The following PSAT1 variants were observed in gnomAD, a reference collection of about 807,000 sequenced individuals.
PSAT1 encodes phosphoserine aminotransferase.
PSAT1 carries 41 observed loss-of-function variants against 40.3 expected under a neutral mutation model. The observed-to-expected ratio is 1.02, with a 90% CI of 0.79 to 1.32. The LOEUF (loss-of-function observed/expected upper bound fraction) is 1.32, where lower values mean the gene tolerates loss of function less well. Ranked by LOEUF, PSAT1 falls within the 40% of genes most tolerant of loss-of-function variation. PSAT1 has a pLI of 0.00. For missense variants in PSAT1, 406 were observed against 455.8 expected (o/e 0.89, Z 0.99); for synonymous variants, 147 against 170.5 (o/e 0.86, Z 1.07).
chr9:78,321,501 C>T (rs895471100), intron 7 of PSAT1, among the ~76,000 whole-genome samples: 2 of 152,198 alleles, frequency 1.3e-5, no homozygotes, highest in African/African-American at 4.8e-5. Flanking sequence ...TTTACCACCA[C>T]CTTTGCTCCT....
chr9:78,326,156 T>G (rs1251539338), intron 7 of PSAT1, among the ~76,000 whole-genome samples: 2 of 152,180 alleles, frequency 1.3e-5, no homozygotes, highest in African/African-American at 4.8e-5. Flanking sequence ...AGCTGTGTAC[T>G]AGACTCTCAT....
chr9:78,300,572 A>G, intron 1 of PSAT1, 30 bp from the exon 2 acceptor site: 1 of 1,603,250 alleles, frequency 6.2e-7, no homozygotes, highest in Non-Finnish European at 8.5e-7. Context: ...ACATATTTAA[A>G]TAACCCTATT....
At chr9:78,318,649 G>T (rs1411236853) in intron 7 of PSAT1, among the ~76,000 whole-genome samples, 2 of 152,160 alleles carry the variant, frequency 1.3e-5, no homozygotes, top group Non-Finnish European at 2.9e-5. Flanking sequence ...CCTTCTTTCT[G>T]CCGTGTCTTC....
chr9:78,305,063 T>G, intron 4 of PSAT1, 123 bp downstream of exon 4: 1 of 882,926 alleles, frequency 1.1e-6, no homozygotes, highest in East Asian at 2.6e-5. Context: ...CCATTTAGAT[T>G]GGGTGGCTGT....
At chr9:78,309,369 G>T (rs144933389) in intron 6 of PSAT1, among the ~76,000 whole-genome samples, 3 of 152,300 alleles carry the variant, frequency 2.0e-5, no homozygotes, top group Non-Finnish European at 4.4e-5. Context: ...GGGTTTTGTT[G>T]TTGTTGTTTT....
At chr9:78,316,380 CG>C (rs1441409987) in intron 6 of PSAT1, among the ~76,000 whole-genome samples, 3 of 152,188 alleles carry the variant, frequency 2.0e-5, no homozygotes, top group Non-Finnish European at 4.4e-5. Context: ...CTTCTCTCAG[CG>C]GGAATGTTGG....
At chr9:78,304,331 C>T (rs1417098435) in intron 3 of PSAT1, among the ~76,000 whole-genome samples, 1 of 152,164 alleles carries the variant, frequency 6.6e-6, no homozygotes, top group African/African-American at 2.4e-5. Context: ...AACAGCTTTC[C>T]TTACCTAGAA....
intron 7 of PSAT1, among the ~76,000 whole-genome samples, chr9:78,321,112 G>C (rs1315703594): frequency 1.3e-5 from 2 of 152,088 alleles, no homozygotes; most frequent in African/African-American, 4.8e-5. Flanking sequence ...TCATCTCCTG[G>C]GCAGGTCATC....
At chr9:78,300,526 G>T in intron 1 of PSAT1, 76 bp from the exon 2 acceptor site, 1 of 1,523,820 alleles carries the variant, frequency 6.6e-7, no homozygotes. Context: ...TTGTCCCCTC[G>T]TCAGGTTTGT....
At chr9:78,322,892 C>T (rs1195584561) in intron 7 of PSAT1, among the ~76,000 whole-genome samples, 1 of 152,232 alleles carries the variant, frequency 6.6e-6, no homozygotes, top group Non-Finnish European at 1.5e-5. Context: ...CCAGCAAGGG[C>T]ATGCACTTTT....
chr9:78,317,814 T>C lies in PSAT1; in HGVS notation c.869+10T>C. The C allele has an allele frequency of 6.2e-7, 1 of 1,611,824 alleles. No individual in the cohort carries two copies. ...CTCAAGGATTCTACGTGTAAGTCAA[T>C]GGATTTTATCTCCTATTTTGCCTCT... On this transcript the variant is annotated intron_variant, in intron 7 of 8. Coordinates refer to ENST00000376588, the MANE Select transcript of PSAT1 (RefSeq NM_058179.4).
intron 3 of PSAT1, among the ~76,000 whole-genome samples, 180 bp from the exon 4 acceptor site, chr9:78,304,555 T>C (rs1828153004): frequency 6.6e-6 from 1 of 152,182 alleles, no homozygotes; most frequent in African/African-American, 2.4e-5. Context: ...CTCCAGTAAA[T>C]AGTTGTCCAA....
chr9:78,301,224 G>A (rs1323606265), intron 2 of PSAT1, among the ~76,000 whole-genome samples: 1 of 152,070 alleles, frequency 6.6e-6, no homozygotes, highest in Non-Finnish European at 1.5e-5. Context: ...GTCATAATTG[G>A]TTTTTGCTAA....
rs368071286 is a variant in PSAT1 at position 78,317,683 on chromosome 9, G to T, written c.748G>T (p.Val250Phe). ...YNTPPCFSIY[V>F]MGLVLEWIKN... Reference sequence around the variant, plus strand: ...TAAAAATCTTCATTTTAGCATCTACGTCATGGGCTTGGTTCTGGAGTGGAT... The same window carrying T: ...TAAAAATCTTCATTTTAGCATCTACTTCATGGGCTTGGTTCTGGAGTGGAT... Residue 250 changes from valine (V) to phenylalanine (F), a missense_variant, in exon 7 of 9, where the codon GTC becomes TTC. Coordinates refer to ENST00000376588, the MANE Select transcript of PSAT1 (RefSeq NM_058179.4). 6.2e-7 allele frequency: 1 copy of T among 1,613,384 alleles called. No homozygotes were observed. The highest frequency in any genetic ancestry group is 8.5e-7 in the Non-Finnish European group (1 of 1,179,842).
At chr9:78,310,140 G>A (rs1828244963) in intron 6 of PSAT1, among the ~76,000 whole-genome samples, 1 of 152,150 alleles carries the variant, frequency 6.6e-6, no homozygotes, top group Non-Finnish European at 1.5e-5. Flanking sequence ...TCTTTCTAGG[G>A]CCACTATGAT....
At chr9:78,320,676 C>T (rs1828417279) in intron 7 of PSAT1, among the ~76,000 whole-genome samples, 1 of 51,434 alleles carries the variant, frequency 1.9e-5, no homozygotes, top group East Asian at 4.0e-4. Flanking sequence ...TCCATCTGTC[C>T]ATCCATCCAA....
chr9:78,320,122 T>A (rs1828405140), intron 7 of PSAT1, among the ~76,000 whole-genome samples: 2 of 149,450 alleles, frequency 1.3e-5, no homozygotes, highest in African/African-American at 2.5e-5. Flanking sequence ...ATCTACCCAC[T>A]CACTCATCCA....
At position 78,308,525 on chromosome 9, in the gene PSAT1, C is replaced by A. The variant is rs1434764066; in HGVS notation, c.682C>A (p.Leu228Met). The change falls in exon 6 of 9, where the codon CTG (leucine) becomes ATG (methionine). Residue 228 changes from leucine to methionine, a missense_variant. Leu to Met is a conservative substitution (Grantham distance 15). Coordinates refer to ENST00000376588, the MANE Select transcript of PSAT1 (RefSeq NM_058179.4). ...GFALRECPSVLEYKVQAGNSS... is the reference protein window; with the variant it reads ...GFALRECPSVMEYKVQAGNSS... ...TGCCCTCCGAGAGTGCCCCTCGGTCCTGGAATACAAGGTGCAGGCTGGAAA... is the reference window on the plus strand; with the variant it reads ...TGCCCTCCGAGAGTGCCCCTCGGTCATGGAATACAAGGTGCAGGCTGGAAA... The A allele has an allele frequency of 6.2e-7, 1 of 1,613,954 alleles. No individual in the cohort carries two copies. The highest frequency in any genetic ancestry group is 8.5e-7 in the Non-Finnish European group (1 of 1,179,980).
At chr9:78,310,706 G>T (rs1828254669) in intron 6 of PSAT1, among the ~76,000 whole-genome samples, 1 of 151,810 alleles carries the variant, frequency 6.6e-6, no homozygotes, top group South Asian at 2.1e-4. Flanking sequence ...CGCCTCCCGG[G>T]TTCAAGCAAT....
Sources: gnomAD v4.1 joint callset for allele counts (sites outside exome capture counted in the v4.1 genomes callset) on GRCh38, gnomAD v4.1.1 for gene constraint, MANE v1.5 for transcripts, NCBI Gene and HGNC (gene_info 2026-07-23, HGNC 2026-07-21) for gene names.